IQSEC1: variants seen among roughly 807,000 people sequenced by gnomAD.
The protein encoded by IQSEC1 is IQ motif and SEC7 domain-containing protein 1.
IQSEC1 carries 31 observed loss-of-function variants against 91.0 expected under a neutral mutation model. The observed-to-expected ratio is 0.34, with a 90% CI of 0.26 to 0.46. IQSEC1 has a LOEUF of 0.46. Among genes scored for constraint, IQSEC1 ranks in the 20% least tolerant of loss-of-function variants. IQSEC1 has a pLI of 1.00. For missense variants in IQSEC1, 1,388 were observed against 1,575.6 expected (o/e 0.88, Z 2.02); for synonymous variants, 699 against 662.6 (o/e 1.05, Z -0.84).
intron 1 of IQSEC1, among the ~76,000 whole-genome samples, chr3:13,061,126 T>C (rs1705053058): frequency 6.6e-6 from 1 of 152,048 alleles, no homozygotes; most frequent in Non-Finnish European, 1.5e-5. Context: ...TTGCTCTTGC[T>C]CAGGAACCCC....
intron 1 of IQSEC1, among the ~76,000 whole-genome samples, chr3:12,975,176 G>GC (rs1701103318): frequency 6.6e-6 from 1 of 152,240 alleles, no homozygotes; most frequent in African/African-American, 2.4e-5. Context: ...TCCTCCCCTT[G>GC]CTTCACTATG....
intron 1 of IQSEC1, among the ~76,000 whole-genome samples, chr3:13,014,470 C>G (rs1269219134): frequency 6.6e-6 from 1 of 152,234 alleles, no homozygotes; most frequent in Non-Finnish European, 1.5e-5. Context: ...GAGCAGCCTT[C>G]TGTCTGCAGC....
At chr3:13,206,389 C>T (rs1694346208) in intron 1 of IQSEC1, among the ~76,000 whole-genome samples, 1 of 152,168 alleles carries the variant, frequency 6.6e-6, no homozygotes, top group Admixed American at 6.5e-5. Flanking sequence ...ACAAGACGCT[C>T]TACATCCTTA....
chr3:13,225,416 G>A (rs1197675283), intron 1 of IQSEC1, among the ~76,000 whole-genome samples: 1 of 152,244 alleles, frequency 6.6e-6, no homozygotes, highest in African/African-American at 2.4e-5. Context: ...AGATGTGATT[G>A]TATGCGATTC....
At chr3:13,092,250 G>T (rs185172569) in intron 2 of IQSEC1, among the ~76,000 whole-genome samples, 12 of 152,328 alleles carry the variant, frequency 7.9e-5, no homozygotes, top group Admixed American at 7.8e-4. Context: ...TATCACGGGG[G>T]TGTTTCCATA....
In IQSEC1 at chr3:12,994,713, T is replaced by C. The variant is rs1702155465; in HGVS notation, c.24-52848A>G. Among the ~76,000 whole-genome samples, 1 of 151,904 alleles carries C rather than the reference T, an allele frequency of 6.6e-6. No homozygotes were observed. The highest frequency in any genetic ancestry group is 2.4e-5 in the African/African-American group (1 of 41,316). ...CCAGAGGCGCACAGCTGCACCACGC[T>C]CCTCCGCGTCCCCTCCAGGACACAC... On this transcript the variant is annotated intron_variant, in intron 1 of 13. Transcript: ENST00000613206. This position sits in a 1 kb window ranked among gnomAD's most constrained non-coding sequence, Gnocchi z 4.5.
In IQSEC1 at chr3:12,941,764, T is replaced by C; in HGVS notation, c.125A>G (p.Asp42Gly). 2 of 1,612,144 alleles carry C rather than the reference T, an allele frequency of 1.2e-6. No individual in the cohort carries two copies. Among genetic ancestry groups the C allele is most frequent in the Non-Finnish European group, 1.7e-6 (2 of 1,179,914 alleles). Residue 42 changes from aspartate (D) to glycine (G), a missense_variant, in exon 2 of 14, where the codon GAT becomes GGT. Around this residue, in one of 2 missense-constraint regions of IQSEC1, gnomAD observed 1,059 missense variants for 1,317.8 expected, o/e 0.80. Transcript: ENST00000613206. ...TCCCACTGACGTGTGCTCGTAGTGA[T>C]CCGGGCTCAGGCTGGAACCGGGCAC... ...PLVPGSSLSP[D>G]HYEHTSVGAY...
chr3:13,218,410 G>C (rs576323943), intron 1 of IQSEC1, among the ~76,000 whole-genome samples: 10 of 152,284 alleles, frequency 6.6e-5, no homozygotes, highest in Admixed American at 5.2e-4. Flanking sequence ...GCTGGTGAGA[G>C]AAAAAGACAG....
chr3:13,205,927 A>C (rs1694335665), intron 1 of IQSEC1, among the ~76,000 whole-genome samples: 2 of 76,564 alleles, frequency 2.6e-5, no homozygotes, highest in Non-Finnish European at 2.5e-5. Context: ...TCCATCCCTC[A>C]ATCCACTTAT....
intron 1 of IQSEC1, among the ~76,000 whole-genome samples, chr3:12,963,070 AACTCTAGC>A (rs1458333776): frequency 1.3e-5 from 2 of 152,248 alleles, no homozygotes; most frequent in Non-Finnish European, 2.9e-5. Context: ...TTCAAACGCT[AACTCTAGC>A]ACTCTAGCAA....
intron 1 of IQSEC1, among the ~76,000 whole-genome samples, chr3:13,200,292 C>A (rs555854239): frequency 3.3e-5 from 5 of 152,006 alleles, no homozygotes; most frequent in African/African-American, 1.2e-4. Flanking sequence ...TACTCCCCCC[C>A]CTTATCATTT....
intron 1 of IQSEC1, among the ~76,000 whole-genome samples, chr3:13,191,931 G>A (rs1694040007): frequency 6.6e-6 from 1 of 152,106 alleles, no homozygotes; most frequent in Non-Finnish European, 1.5e-5. Flanking sequence ...TGAATATTGT[G>A]CCCTGTATCC....
chr3:12,915,763 G>A, intron 6 of IQSEC1, 30 bp from the exon 7 acceptor site: 1 of 1,610,414 alleles, frequency 6.2e-7, no homozygotes. Context: ...GGATATCAGG[G>A]TGGGCCCCAG....
chr3:13,096,864 C>CTTTTTT (rs71066943), intron 2 of IQSEC1, among the ~76,000 whole-genome samples: 1 of 142,456 alleles, frequency 7.0e-6, no homozygotes, highest in Non-Finnish European at 1.5e-5. Flanking sequence ...TTCTTTCTTT[C>CTTTTTT]TTTTTTTTTT....
intron 1 of IQSEC1, among the ~76,000 whole-genome samples, chr3:13,010,932 C>G (rs779855681): frequency 3.3e-5 from 5 of 152,166 alleles, no homozygotes; most frequent in Non-Finnish European, 5.9e-5. Flanking sequence ...TCCTCCACTC[C>G]CCACTTGAGC....
At chr3:12,974,664 G>A (rs1476633923) in intron 1 of IQSEC1, among the ~76,000 whole-genome samples, 3 of 152,234 alleles carry the variant, frequency 2.0e-5, no homozygotes, top group African/African-American at 7.2e-5. Flanking sequence ...TCTATCGGTA[G>A]AGGACCGTTC....
chr3:13,165,535 G>GGTGTGTGT lies in IQSEC1; in HGVS notation c.273-1403_273-1402insACACACAC, dbSNP rs1470204790. Among the ~76,000 whole-genome samples the GGTGTGTGT allele has an allele frequency of 2.0e-3, 179 of 88,996 alleles. 5 individuals are homozygous for GGTGTGTGT. Among genetic ancestry groups the GGTGTGTGT allele is most frequent in the African/African-American group, 5.6e-3 (121 of 21,596 alleles). The allele number at this position is 88,996 out of a possible 152,430, so 58.4% of individuals were successfully genotyped here. A position where few individuals can be genotyped will look rare whatever the true frequency, so the allele number is the denominator to read the frequency against. On this transcript the variant is annotated intron_variant, in intron 1 of 15. Coordinates refer to the IQSEC1 transcript ENST00000648114. ...GCGGGGGGGTGGGGGGTGGGGGGGT[G>GGTGTGTGT]GCGTGTGTGTGTGTGTGTGTGTGTG...
intron 1 of IQSEC1, among the ~76,000 whole-genome samples, chr3:13,051,043 T>C (rs1704673326): frequency 6.6e-6 from 1 of 152,206 alleles, no homozygotes; most frequent in African/African-American, 2.4e-5. Context: ...CCAGTTTCCC[T>C]GAAGGTTTGC....
chr3:13,191,996 G>A (rs1694042501), intron 1 of IQSEC1, among the ~76,000 whole-genome samples: 1 of 152,136 alleles, frequency 6.6e-6, no homozygotes, highest in African/African-American at 2.4e-5. Flanking sequence ...TAATAAATAT[G>A]TTGAAGTTCT....
Sources: allele counts gnomAD v4.1 joint callset (sites outside exome capture counted in the v4.1 genomes callset), GRCh38; gene constraint gnomAD v4.1.1; regional missense constraint gnomAD v4.1.1; non-coding constraint Gnocchi (gnomAD v3.1); transcripts MANE v1.5; gene names NCBI Gene and HGNC (gene_info 2026-07-23, HGNC 2026-07-21).